Variants in PACSIN2 observed in about 807,000 individuals in gnomAD.
The protein encoded by PACSIN2 is protein kinase C and casein kinase substrate in neurons protein 2.
A neutral mutation model predicts 63.8 loss-of-function variants in PACSIN2; 25 were observed. The ratio of observed to expected loss-of-function variants is 0.39; its 90% CI spans 0.29 to 0.55. The LOEUF (loss-of-function observed/expected upper bound fraction) is 0.55, where lower values mean the gene tolerates loss of function less well. Among genes scored for constraint, PACSIN2 ranks in the 20% least tolerant of loss-of-function variants. The probability of loss-of-function intolerance (pLI) is 0.62; values close to 1 mark genes in which losing one functional copy is unlikely to be tolerated. For missense variants in PACSIN2, 518 were observed against 646.9 expected, an observed-to-expected ratio of 0.80 and a Z score of 2.16; for synonymous variants, 255 against 256.2, an observed-to-expected ratio of 1.00 and a Z score of 0.05.
At chr22:42,885,834 A>T (rs1211086794) in intron 5 of PACSIN2, among the ~76,000 whole-genome samples, 1 of 151,768 alleles carries the variant, frequency 6.6e-6, no homozygotes. Context: ...TGCCAGGAAA[A>T]GGCCACCCCT....
At chr22:42,896,962 G>T (rs964335213) in intron 2 of PACSIN2, among the ~76,000 whole-genome samples, 12 of 151,988 alleles carry the variant, frequency 7.9e-5, no homozygotes, top group Admixed American at 2.6e-4. Flanking sequence ...TTTGAGACAG[G>T]GTCTTGCTTT....
intron 1 of PACSIN2, among the ~76,000 whole-genome samples, chr22:43,012,951 G>A (rs969428018): frequency 9.2e-5 from 14 of 151,810 alleles, no homozygotes; most frequent in African/African-American, 2.2e-4. Context: ...CACCACGCCC[G>A]GCCTTAATTT....
chr22:42,886,304 T>C (rs1456022082), intron 5 of PACSIN2, among the ~76,000 whole-genome samples: 3 of 152,248 alleles, frequency 2.0e-5, no homozygotes, highest in African/African-American at 7.2e-5. Flanking sequence ...TGGATTGTAA[T>C]ATTTTAGCAC....
chr22:42,917,542 T>C (rs1022807167), intron 1 of PACSIN2, among the ~76,000 whole-genome samples: 1 of 151,950 alleles, frequency 6.6e-6, no homozygotes, highest in Non-Finnish European at 1.5e-5. Context: ...TTGAGCCCAG[T>C]AGGTCAAGGC....
At chr22:42,883,746 C>G (rs1929251031) in intron 6 of PACSIN2, among the ~76,000 whole-genome samples, 1 of 152,226 alleles carries the variant, frequency 6.6e-6, no homozygotes, top group Non-Finnish European at 1.5e-5. Flanking sequence ...TGGCTCACGC[C>G]TGTAATCCCA....
intron 5 of PACSIN2, among the ~76,000 whole-genome samples, 170 bp downstream of exon 5, chr22:42,888,473 G>A (rs983430535): frequency 5.3e-5 from 8 of 152,174 alleles, no homozygotes; most frequent in African/African-American, 9.7e-5. Flanking sequence ...ATGGTGAGGC[G>A]AGGTGCTAGG....
chr22:42,966,248 T>C (rs910457058), intron 1 of PACSIN2, among the ~76,000 whole-genome samples: 2 of 152,102 alleles, frequency 1.3e-5, no homozygotes, highest in South Asian at 2.1e-4. Flanking sequence ...TGTGCACCTG[T>C]AGTCCCAGCT....
chr22:42,982,110 G>T (rs368404162), intron 1 of PACSIN2, among the ~76,000 whole-genome samples: 1 of 109,644 alleles, frequency 9.1e-6, no homozygotes, highest in African/African-American at 3.3e-5. Context: ...CAGCCGCCCC[G>T]TCCGGGAGGG....
At chr22:42,898,642 C>G (rs990054726) in intron 2 of PACSIN2, among the ~76,000 whole-genome samples, 4 of 152,062 alleles carry the variant, frequency 2.6e-5, no homozygotes, top group Non-Finnish European at 2.9e-5. Context: ...GGGGCCACAT[C>G]CCTCACAATC....
chr22:42,911,865 A>G (rs1038724005), intron 2 of PACSIN2, among the ~76,000 whole-genome samples, 156 bp downstream of exon 2: 6 of 152,212 alleles, frequency 3.9e-5, no homozygotes, highest in South Asian at 4.1e-4. Flanking sequence ...CAAGTGTCCA[A>G]ACCTTTTCTG....
At chr22:42,916,858 G>T (rs751973087) in intron 1 of PACSIN2, among the ~76,000 whole-genome samples, 1 of 152,206 alleles carries the variant, frequency 6.6e-6, no homozygotes, top group Non-Finnish European at 1.5e-5. Flanking sequence ...GATAGCCATT[G>T]TTCTTAGAAT....
intron 8 of PACSIN2, among the ~76,000 whole-genome samples, chr22:42,877,637 T>C (rs906560263): frequency 1.3e-5 from 2 of 152,188 alleles, no homozygotes; most frequent in Non-Finnish European, 2.9e-5. Flanking sequence ...CTGCCTACTG[T>C]TTGCCAGGCC....
chr22:42,962,923 G>A (rs1920928087), intron 1 of PACSIN2, among the ~76,000 whole-genome samples: 1 of 152,180 alleles, frequency 6.6e-6, no homozygotes, highest in African/African-American at 2.4e-5. Context: ...ATTCCAGGCA[G>A]GAAACGTGGA....
At chr22:42,920,782 G>A (rs1308860403) in intron 1 of PACSIN2, among the ~76,000 whole-genome samples, 1 of 141,470 alleles carries the variant, frequency 7.1e-6, no homozygotes, top group South Asian at 2.3e-4. Flanking sequence ...CAATTATCAT[G>A]AATTATCACA....
At chr22:42,996,176 C>T (rs530923571) in intron 1 of PACSIN2, among the ~76,000 whole-genome samples, 77 of 151,134 alleles carry the variant, frequency 5.1e-4, no homozygotes, top group African/African-American at 1.8e-3. Flanking sequence ...GCCGAGATTG[C>T]ACCACTGCAC....
At chr22:43,014,203 C>T (rs151281118) in intron 1 of PACSIN2, among the ~76,000 whole-genome samples, 29 of 151,374 alleles carry the variant, frequency 1.9e-4, no homozygotes, top group Admixed American at 3.3e-4. Context: ...GTTCGGATTT[C>T]TGATTCAGTG....
At chr22:42,972,996 T>C (rs572574844) in intron 1 of PACSIN2, among the ~76,000 whole-genome samples, 100 of 152,340 alleles carry the variant, frequency 6.6e-4, no homozygotes, top group African/African-American at 2.2e-3. Flanking sequence ...GGATTGTTCA[T>C]TGTGAACCAG....
intron 8 of PACSIN2, among the ~76,000 whole-genome samples, chr22:42,878,716 G>A (rs9611950): frequency 0.43 from 65,594 of 152,098 alleles, 14,692 homozygotes; most frequent in Non-Finnish European, 0.48. Flanking sequence ...CGGGCAGGGC[G>A]GTGCTATCCC....
At chr22:42,955,738 T>C (rs945561211) in intron 1 of PACSIN2, among the ~76,000 whole-genome samples, 14 of 152,240 alleles carry the variant, frequency 9.2e-5, no homozygotes, top group African/African-American at 2.7e-4. Flanking sequence ...ACAGTAATGG[T>C]AGGATCTGAC....
Sources: allele counts gnomAD v4.1 joint callset (sites outside exome capture counted in the v4.1 genomes callset), GRCh38; gene constraint gnomAD v4.1.1; transcripts MANE v1.5; gene names NCBI Gene and HGNC (gene_info 2026-07-23, HGNC 2026-07-21).